SCCPDH: variants seen among roughly 807,000 people sequenced by gnomAD.
SCCPDH encodes the protein saccharopine dehydrogenase-like oxidoreductase.
Under a neutral mutation model 51.5 loss-of-function variants are expected in SCCPDH, and 34 were observed. The ratio of observed to expected loss-of-function variants is 0.66; its 90% CI spans 0.50 to 0.88. SCCPDH has a LOEUF of 0.88. SCCPDH is among the 40% of genes least tolerant of loss of function. The pLI is 0.00. For missense variants in SCCPDH, 464 were observed against 527.1 expected, an observed-to-expected ratio of 0.88 and a Z score of 1.17; for synonymous variants, 187 against 191.3, an observed-to-expected ratio of 0.98 and a Z score of 0.19.
chr1:246,754,150 A>G, intron 5 of SCCPDH, among the ~76,000 whole-genome samples: 1 of 151,972 alleles, frequency 6.6e-6, no homozygotes, highest in East Asian at 1.9e-4. Flanking sequence ...CCCGCAGAGT[A>G]TCCCGACCAC....
chr1:246,759,557 T>C (rs1668981829), intron 7 of SCCPDH, among the ~76,000 whole-genome samples: 1 of 152,208 alleles, frequency 6.6e-6, no homozygotes, highest in Non-Finnish European at 1.5e-5. Context: ...TTGCTTTCAT[T>C]GCCGAGACTT....
intron 1 of SCCPDH, among the ~76,000 whole-genome samples, chr1:246,724,863 C>G (rs764705821): frequency 6.6e-6 from 1 of 152,102 alleles, no homozygotes; most frequent in Non-Finnish European, 1.5e-5. Flanking sequence ...TCCTCTTTCC[C>G]GCTTTTTGCA....
At chr1:246,728,505 T>C (rs6658517) in intron 2 of SCCPDH, among the ~76,000 whole-genome samples, 1 of 152,190 alleles carries the variant, frequency 6.6e-6, no homozygotes, top group Non-Finnish European at 1.5e-5. Context: ...CCCTGCTAAC[T>C]GGTCACACTT....
At position 246,764,257 on chromosome 1, in the gene SCCPDH, C is replaced by T. The variant is rs1023049756; in HGVS notation, c.1002C>T (p.Ala334=). Residue 334 remains alanine (A), a synonymous_variant, in exon 10 of 12, where the codon GCC becomes GCT. Coordinates refer to ENST00000366510, the MANE Select transcript of SCCPDH (RefSeq NM_016002.3). ...QGPTQKQIDA[A]SFTLTFFGQG... The stretch of plus-strand genomic sequence containing the variant: ...CTTCTCCTTCACAGATTGATGCTGC[C>T]TCATTCACGCTGACATTCTTTGGTC... 1 of 1,611,832 alleles carries T rather than the reference C, an allele frequency of 6.2e-7. No homozygotes were observed. The highest frequency in any genetic ancestry group is 8.5e-7 in the Non-Finnish European group (1 of 1,178,258).
At chr1:246,748,035 A>C (rs12749957) in intron 5 of SCCPDH, among the ~76,000 whole-genome samples, 34,503 of 152,070 alleles carry the variant, frequency 0.23, 4,302 homozygotes, top group East Asian at 0.3. Flanking sequence ...TCTATCCTAC[A>C]ATTTCCCCCC....
chr1:246,732,121 G>A (rs1273660501), intron 2 of SCCPDH, among the ~76,000 whole-genome samples: 3 of 151,806 alleles, frequency 2.0e-5, no homozygotes, highest in Non-Finnish European at 4.4e-5. Context: ...CAGATTTGAA[G>A]AGTGGATATG....
intron 2 of SCCPDH, among the ~76,000 whole-genome samples, chr1:246,733,720 C>T (rs1402511964): frequency 6.6e-6 from 1 of 151,998 alleles, no homozygotes; most frequent in African/African-American, 2.4e-5. Context: ...CTGCTAGATA[C>T]CTTGCATCAA....
At chr1:246,740,959 A>G (rs1325014416) in intron 4 of SCCPDH, among the ~76,000 whole-genome samples, 1 of 152,046 alleles carries the variant, frequency 6.6e-6, no homozygotes, top group Admixed American at 6.6e-5. Context: ...GCACACCTGT[A>G]GTCAGTCCCA....
chr1:246,733,564 C>A (rs1668526347), intron 2 of SCCPDH, among the ~76,000 whole-genome samples: 1 of 151,880 alleles, frequency 6.6e-6, no homozygotes, highest in African/African-American at 2.4e-5. Context: ...GCCTCAGCCT[C>A]CCAAAGTGCT....
intron 2 of SCCPDH, among the ~76,000 whole-genome samples, chr1:246,730,584 G>A (rs1420772914): frequency 6.6e-6 from 1 of 152,206 alleles, no homozygotes; most frequent in East Asian, 1.9e-4. Context: ...TTCAACACAT[G>A]ACCACTTAAC....
At chr1:246,762,885 C>T (rs78107539) in intron 9 of SCCPDH, among the ~76,000 whole-genome samples, 4,670 of 147,068 alleles carry the variant, frequency 0.032, 124 homozygotes, top group South Asian at 0.05. Context: ...AAGCTTTTTT[C>T]ACTGACACAT....
intron 2 of SCCPDH, among the ~76,000 whole-genome samples, chr1:246,733,530 A>C (rs1668525780): frequency 6.6e-6 from 1 of 151,676 alleles, no homozygotes; most frequent in Non-Finnish European, 1.5e-5. Context: ...TCTTAGAGAA[A>C]TGGGGTCTCA....
At chr1:246,738,234 T>C (rs1668627326) in intron 3 of SCCPDH, among the ~76,000 whole-genome samples, 1 of 151,706 alleles carries the variant, frequency 6.6e-6, no homozygotes, top group Admixed American at 6.6e-5. Flanking sequence ...ACCAGAGGGC[T>C]GGGTGCGGTG....
intron 2 of SCCPDH, among the ~76,000 whole-genome samples, chr1:246,733,104 G>T (rs1308267070): frequency 6.6e-6 from 1 of 152,060 alleles, no homozygotes; most frequent in African/African-American, 2.4e-5. Context: ...TTATTTTTTT[G>T]AGATGGGGGT....
At chr1:246,741,936 A>G (rs1227222284) in intron 4 of SCCPDH, among the ~76,000 whole-genome samples, 1 of 152,094 alleles carries the variant, frequency 6.6e-6, no homozygotes, top group Non-Finnish European at 1.5e-5. Context: ...GGTCGTGGTG[A>G]TGTGCAACTG....
At chr1:246,746,067 C>T (rs1034975277) in intron 5 of SCCPDH, among the ~76,000 whole-genome samples, 12 of 145,972 alleles carry the variant, frequency 8.2e-5, no homozygotes, top group East Asian at 4.0e-4. Context: ...AAGATCGCAC[C>T]GCTGCACTCC....
intron 5 of SCCPDH, among the ~76,000 whole-genome samples, chr1:246,745,531 T>C (rs1160801284): frequency 3.3e-5 from 5 of 151,912 alleles, no homozygotes; most frequent in African/African-American, 9.7e-5. Flanking sequence ...TAACTAAGAG[T>C]CCAGAGATCA....
At chr1:246,726,789 AGT>A (rs1668406092) in intron 1 of SCCPDH, 101 bp from the exon 2 acceptor site, 1 of 746,430 alleles carries the variant, frequency 1.3e-6, no homozygotes, top group African/African-American at 1.7e-5. Flanking sequence ...TCAGCATATC[AGT>A]GTATTTAGTA....
At chr1:246,765,324 A>C (rs963090266) in intron 10 of SCCPDH, among the ~76,000 whole-genome samples, 2 of 152,218 alleles carry the variant, frequency 1.3e-5, no homozygotes, top group Non-Finnish European at 2.9e-5. Flanking sequence ...GCTGGGCTCA[A>C]GCAGTCCTCC....
Sources: allele counts gnomAD v4.1 joint callset (sites outside exome capture counted in the v4.1 genomes callset), GRCh38; gene constraint gnomAD v4.1.1; transcripts MANE v1.5; gene names NCBI Gene and HGNC (gene_info 2026-07-23, HGNC 2026-07-21).